Variants in CDH13 observed in about 807,000 individuals in gnomAD.
The protein encoded by CDH13 is cadherin-13.
In CDH13, 24 loss-of-function variants were observed where a neutral mutation model predicts 63.8. The observed-to-expected ratio is 0.38, with a 90% CI of 0.27 to 0.53. The LOEUF is 0.53. Among genes scored for constraint, CDH13 ranks in the 20% least tolerant of loss-of-function variants. The probability of loss-of-function intolerance (pLI) is 0.85; values close to 1 mark genes in which losing one functional copy is unlikely to be tolerated. For synonymous variants in CDH13, 503 were observed against 355.3 expected, an observed-to-expected ratio of 1.42 and a Z score of -4.67; for missense variants, 1,049 against 903.1, an observed-to-expected ratio of 1.16 and a Z score of -2.07.
chr16:83,149,061 G>A (rs1000356268), intron 4 of CDH13, among the ~76,000 whole-genome samples: 1 of 152,074 alleles, frequency 6.6e-6, no homozygotes, highest in African/African-American at 2.4e-5. Context: ...GAATCATAGT[G>A]GAACATTTAA....
At chr16:82,879,950 A>G (rs1008075956) in intron 2 of CDH13, among the ~76,000 whole-genome samples, 1 of 82,312 alleles carries the variant, frequency 1.2e-5, no homozygotes, top group Non-Finnish European at 2.3e-5. Context: ...ATATTATAAC[A>G]TCAGTATGTA....
chr16:83,738,257 G>T (rs432307), intron 10 of CDH13, among the ~76,000 whole-genome samples: 64,283 of 151,988 alleles, frequency 0.42, 13,843 homozygotes, highest in African/African-American at 0.46. Flanking sequence ...AACACCAAGC[G>T]CGGTGCCTGG....
intron 1 of CDH13, among the ~76,000 whole-genome samples, chr16:82,766,471 C>T (rs1332803549): frequency 6.6e-6 from 1 of 152,210 alleles, no homozygotes; most frequent in Non-Finnish European, 1.5e-5. Flanking sequence ...CTGGATCAGT[C>T]AGACCTGGGT....
chr16:82,709,774 C>A (rs1296136613), intron 1 of CDH13, among the ~76,000 whole-genome samples: 1 of 152,018 alleles, frequency 6.6e-6, no homozygotes, highest in Non-Finnish European at 1.5e-5. Context: ...ACAGGGTGGG[C>A]CATCCTGTTT....
chr16:83,143,620 G>A (rs1233720283), intron 4 of CDH13, among the ~76,000 whole-genome samples: 3 of 152,116 alleles, frequency 2.0e-5, no homozygotes, highest in Non-Finnish European at 4.4e-5. Context: ...TGGAGAGGTG[G>A]CATTTATCAT....
At position 83,779,956 on chromosome 16, in the gene CDH13, T is replaced by G; in HGVS notation, c.1682-12T>G. 6.3e-7 allele frequency: 1 copy of G among 1,592,904 alleles called. No individual in the cohort carries two copies. On this transcript the variant is annotated splice_polypyrimidine_tract_variant and intron_variant, in intron 11 of 13. Coordinates refer to ENST00000567109, the MANE Select transcript of CDH13 (RefSeq NM_001257.5). ...ACCAGTTGCATACCAACATCTTCCC[T>G]TTTTCCCACAGGCAACCCTCCCGCT...
In CDH13 at chr16:83,800,086, C is replaced by G. The variant is rs1011158831; in HGVS notation, c.*5056C>G. On this transcript the variant is annotated 3_prime_UTR_variant, in exon 14 of 14. Coordinates refer to ENST00000567109, the MANE Select transcript of CDH13 (RefSeq NM_001257.5). ...TTGGAGGGTTGCTGAGCTTGATACGCCTTTGAACCATTTTATTTGACTTTC... is the reference window on the plus strand; with the variant it reads ...TTGGAGGGTTGCTGAGCTTGATACGGCTTTGAACCATTTTATTTGACTTTC... The G allele has an allele frequency of 6.6e-5, 10 of 152,128 alleles. No individual in the cohort carries two copies. Among genetic ancestry groups the G allele is most frequent in the Admixed American group, 5.9e-4 (9 of 15,278 alleles). The allele number at this position is 152,128 out of a possible 1,614,324, so 9.4% of individuals were successfully genotyped here.
intron 4 of CDH13, among the ~76,000 whole-genome samples, chr16:83,209,038 C>G (rs1437703680): frequency 1.3e-5 from 2 of 152,074 alleles, no homozygotes; most frequent in Admixed American, 1.3e-4. Flanking sequence ...CCTATCAACT[C>G]CAGTGGGGGT....
intron 11 of CDH13, among the ~76,000 whole-genome samples, chr16:83,779,629 C>G (rs996385077): frequency 6.6e-6 from 1 of 151,894 alleles, no homozygotes; most frequent in African/African-American, 2.4e-5. Flanking sequence ...TTGAAATCAG[C>G]CTGGGTAACA....
chr16:83,622,501 C>A (rs529834364), intron 8 of CDH13, among the ~76,000 whole-genome samples: 2 of 152,208 alleles, frequency 1.3e-5, no homozygotes, highest in African/African-American at 4.8e-5. Flanking sequence ...TCAGTATATT[C>A]ATGTGCGTAT....
intron 2 of CDH13, among the ~76,000 whole-genome samples, chr16:83,002,556 C>A (rs1851405313): frequency 6.6e-6 from 1 of 152,204 alleles, no homozygotes; most frequent in Admixed American, 6.5e-5. Context: ...GACAAAAATC[C>A]CTGCCATTGT....
chr16:83,140,601 C>T (rs999779294), intron 4 of CDH13, among the ~76,000 whole-genome samples: 1 of 152,114 alleles, frequency 6.6e-6, no homozygotes, highest in African/African-American at 2.4e-5. Flanking sequence ...TTACAGGCGC[C>T]TGCCACCATG....
chr16:83,197,031 C>T (rs1363940057), intron 4 of CDH13, among the ~76,000 whole-genome samples: 1 of 152,132 alleles, frequency 6.6e-6, no homozygotes, highest in East Asian at 1.9e-4. Flanking sequence ...AAACTGAAAA[C>T]AACCCAGATG....
chr16:82,776,293 G>A (rs1255348545), intron 1 of CDH13, among the ~76,000 whole-genome samples: 2 of 151,112 alleles, frequency 1.3e-5, no homozygotes, highest in African/African-American at 4.9e-5. Context: ...AGGAAGGAAG[G>A]AAAGAAGGAG....
intron 5 of CDH13, among the ~76,000 whole-genome samples, chr16:83,315,318 C>T (rs189837228): frequency 1.9e-4 from 29 of 152,324 alleles, no homozygotes; most frequent in African/African-American, 7.0e-4. Context: ...ATCAGAAGGT[C>T]AGTTAATTCC....
chr16:83,365,987 C>T (rs2091250912), intron 6 of CDH13, among the ~76,000 whole-genome samples: 1 of 152,114 alleles, frequency 6.6e-6, no homozygotes, highest in African/African-American at 2.4e-5. Context: ...TACTGTGAAC[C>T]CCACGGAGGT....
At chr16:83,574,338 G>A (rs1272178702) in intron 7 of CDH13, among the ~76,000 whole-genome samples, 4 of 152,062 alleles carry the variant, frequency 2.6e-5, no homozygotes, top group Admixed American at 2.6e-4. Flanking sequence ...CCTCAAGGTC[G>A]GCCTGATTAT....
intron 10 of CDH13, among the ~76,000 whole-genome samples, chr16:83,741,967 G>A (rs543258525): frequency 4.6e-5 from 7 of 152,318 alleles, no homozygotes; most frequent in African/African-American, 1.7e-4. Flanking sequence ...TCCCCCACCT[G>A]TTCATGGAAA....
At chr16:82,780,522 C>T (rs995813228) in intron 1 of CDH13, among the ~76,000 whole-genome samples, 10 of 152,236 alleles carry the variant, frequency 6.6e-5, no homozygotes, top group South Asian at 4.2e-4. Context: ...AAATTGATTC[C>T]AGGTGATGCT....
Sources: allele counts gnomAD v4.1 joint callset (sites outside exome capture counted in the v4.1 genomes callset), GRCh38; gene constraint gnomAD v4.1.1; transcripts MANE v1.5; gene names NCBI Gene and HGNC (gene_info 2026-07-23, HGNC 2026-07-21).